The following CNTN4 variants were observed in gnomAD, a reference collection of about 807,000 sequenced individuals.
The protein encoded by CNTN4 is contactin-4.
Under a neutral mutation model 122.5 loss-of-function variants are expected in CNTN4, and 77 were observed. The ratio of observed to expected loss-of-function variants is 0.63; its 90% confidence interval spans 0.52 to 0.76. CNTN4 has a LOEUF of 0.76. Ranked by LOEUF, CNTN4 falls within the 30% of genes least tolerant of loss-of-function variation. The pLI is 0.00. For missense variants in CNTN4, 1,256 were observed against 1,259.1 expected, an observed-to-expected ratio of 1.00 and a Z score of 0.04; for synonymous variants, 512 against 447.0, an observed-to-expected ratio of 1.15 and a Z score of -1.83.
Position 2,862,272 on chromosome 3 carries a change from T to A in CNTN4, c.455-4480T>A, listed in dbSNP as rs530262452. Among the ~76,000 whole-genome samples the A allele has an allele frequency of 2.6e-5, 4 of 152,358 alleles. No homozygotes were observed. The South Asian group carries it at 8.3e-4, about 32-fold the overall frequency. ...TAAAGAGCAACCATCCAGAGAATTC[T>A]GATTGATCATTTGTGTAATCTGTTC... On this transcript the variant is annotated intron_variant, in intron 7 of 24. Coordinates refer to ENST00000418658, the MANE Select transcript of CNTN4 (RefSeq NM_175607.3).
At chr3:2,850,540 G>C (rs1348571971) in intron 7 of CNTN4, among the ~76,000 whole-genome samples, 2 of 152,212 alleles carry the variant, frequency 1.3e-5, no homozygotes, top group East Asian at 3.9e-4. Flanking sequence ...AGGGACTTCA[G>C]CTTGCACCCA....
intron 4 of CNTN4, among the ~76,000 whole-genome samples, chr3:2,574,939 T>C (rs546443347): frequency 6.6e-6 from 1 of 152,222 alleles, no homozygotes; most frequent in Non-Finnish European, 1.5e-5. Flanking sequence ...AAAGGGCCTG[T>C]ATAAAGCAAA....
chr3:2,131,075 C>G (rs1174148793), intron 2 of CNTN4, among the ~76,000 whole-genome samples: 1 of 152,126 alleles, frequency 6.6e-6, no homozygotes, highest in Non-Finnish European at 1.5e-5. Flanking sequence ...GTGTTTATTC[C>G]AAGCCAGACA....
intron 3 of CNTN4, among the ~76,000 whole-genome samples, chr3:2,383,936 G>T (rs920939603): frequency 3.9e-5 from 6 of 152,070 alleles, no homozygotes; most frequent in Admixed American, 6.6e-5. Flanking sequence ...CATTAAGTTG[G>T]AGACCTTCTG....
At chr3:3,026,447 T>G (rs1698726169) in intron 15 of CNTN4, among the ~76,000 whole-genome samples, 170 bp downstream of exon 15, 1 of 152,148 alleles carries the variant, frequency 6.6e-6, no homozygotes, top group Admixed American at 6.6e-5. Flanking sequence ...ATTGAACAAC[T>G]CTATATGGCA....
At chr3:2,222,922 C>G (rs2039118032) in intron 2 of CNTN4, among the ~76,000 whole-genome samples, 1 of 152,210 alleles carries the variant, frequency 6.6e-6, no homozygotes, top group Admixed American at 6.5e-5. Flanking sequence ...CTAAAAGCCA[C>G]TACAGACTTC....
intron 6 of CNTN4, among the ~76,000 whole-genome samples, chr3:2,770,230 A>C (rs924761132): frequency 6.6e-6 from 1 of 151,936 alleles, no homozygotes; most frequent in Non-Finnish European, 1.5e-5. Context: ...GGGTTTCACT[A>C]TGTTGGCCAA....
intron 2 of CNTN4, among the ~76,000 whole-genome samples, chr3:2,217,191 C>T (rs1346581808): frequency 6.6e-6 from 1 of 152,086 alleles, no homozygotes; most frequent in East Asian, 1.9e-4. Context: ...TGACATGAGT[C>T]TTCCTCCTCA....
At chr3:2,871,163 A>ATG (rs1201844258) in intron 8 of CNTN4, among the ~76,000 whole-genome samples, 1 of 152,168 alleles carries the variant, frequency 6.6e-6, no homozygotes, top group Admixed American at 6.5e-5. Context: ...GTGGCTTTGA[A>ATG]TGTGTCAGTT....
intron 4 of CNTN4, among the ~76,000 whole-genome samples, chr3:2,577,850 A>G (rs1225150713): frequency 1.3e-5 from 2 of 152,002 alleles, no homozygotes; most frequent in Non-Finnish European, 2.9e-5. Context: ...TTCTCAGTTG[A>G]TCTTGGTTTC....
At chr3:2,652,178 C>T (rs2083393069) in intron 4 of CNTN4, among the ~76,000 whole-genome samples, 1 of 152,010 alleles carries the variant, frequency 6.6e-6, no homozygotes, top group Admixed American at 6.6e-5. Context: ...ACTATGATTA[C>T]ACCACTGCAC....
At chr3:2,655,799 C>T (rs894604392) in intron 4 of CNTN4, among the ~76,000 whole-genome samples, 6 of 152,084 alleles carry the variant, frequency 3.9e-5, no homozygotes, top group African/African-American at 1.4e-4. Flanking sequence ...GCTAATGAAA[C>T]AAACATGGAA....
intron 2 of CNTN4, among the ~76,000 whole-genome samples, chr3:2,123,376 T>C (rs911130843): frequency 2.0e-5 from 3 of 152,222 alleles, no homozygotes; most frequent in African/African-American, 4.8e-5. Context: ...ATCATTGCAA[T>C]TGACCATCAG....
intron 2 of CNTN4, among the ~76,000 whole-genome samples, chr3:2,323,250 GC>G (rs1372863601): frequency 1.1e-4 from 16 of 152,078 alleles, no homozygotes; most frequent in African/African-American, 3.9e-4. Context: ...ACAAAATCAA[GC>G]CCCATTAGTC....
In CNTN4 at chr3:2,601,152, G is replaced by T. The variant is rs559889527; in HGVS notation, c.55+29594G>T. On this transcript the variant is annotated intron_variant, in intron 4 of 24. Coordinates refer to ENST00000418658, the MANE Select transcript of CNTN4 (RefSeq NM_175607.3). ...AAAATTTTCTCCCATTCTGTAGGTTGCCTGTTCACTCTGATGGTAGTTTCT... is the reference window on the plus strand; with the variant it reads ...AAAATTTTCTCCCATTCTGTAGGTTTCCTGTTCACTCTGATGGTAGTTTCT... Among the ~76,000 whole-genome samples the T allele has an allele frequency of 4.7e-3, 720 of 152,234 alleles. 5 individuals carry two copies. The highest frequency in any genetic ancestry group is 0.017 in the African/African-American group (692 of 41,544).
At chr3:2,369,309 C>T (rs368575361) in intron 3 of CNTN4, among the ~76,000 whole-genome samples, 3 of 152,166 alleles carry the variant, frequency 2.0e-5, no homozygotes, top group Non-Finnish European at 4.4e-5. Flanking sequence ...AACTCCTGTT[C>T]ACAAAACAGG....
intron 4 of CNTN4, among the ~76,000 whole-genome samples, chr3:2,593,191 A>T (rs551526707): frequency 1.4e-4 from 22 of 152,334 alleles, no homozygotes; most frequent in Non-Finnish European, 3.2e-4. Flanking sequence ...TAACAAGCAT[A>T]ATATTATAGC....
intron 3 of CNTN4, among the ~76,000 whole-genome samples, chr3:2,523,461 T>C (rs1348805702): frequency 2.0e-5 from 3 of 151,672 alleles, no homozygotes; most frequent in Admixed American, 6.6e-5. Flanking sequence ...CAAGTGAAGG[T>C]ACATTCAATG....
intron 2 of CNTN4, among the ~76,000 whole-genome samples, chr3:2,292,814 T>C (rs2042181915): frequency 6.6e-6 from 1 of 152,260 alleles, no homozygotes; most frequent in Non-Finnish European, 1.5e-5. Context: ...CTTTTGTTGA[T>C]GGACATTTTG....
Sources: allele counts gnomAD v4.1 joint callset (sites outside exome capture counted in the v4.1 genomes callset), GRCh38; gene constraint gnomAD v4.1.1; transcripts MANE v1.5; gene names NCBI Gene and HGNC (gene_info 2026-07-23, HGNC 2026-07-21).